The following METTL9 variants were observed in gnomAD, a reference collection of about 807,000 sequenced individuals.
METTL9 encodes protein-L-histidine N-pros-methyltransferase.
A neutral mutation model predicts 36.0 loss-of-function variants in METTL9; 10 were observed. The ratio of observed to expected loss-of-function variants is 0.28; its 90% CI spans 0.17 to 0.47. The LOEUF is 0.47. METTL9 is among the 20% of genes least tolerant of loss of function. The probability of loss-of-function intolerance (pLI) is 0.99; values close to 1 mark genes in which losing one functional copy is unlikely to be tolerated. For synonymous variants in METTL9, 175 were observed against 149.7 expected (o/e 1.17, Z -1.23); for missense variants, 246 against 383.5 (o/e 0.64, Z 3.00).
intron 4 of METTL9, among the ~76,000 whole-genome samples, chr16:21,628,058 G>A (rs569093898): frequency 5.9e-5 from 9 of 152,280 alleles, no homozygotes; most frequent in African/African-American, 1.9e-4. Flanking sequence ...ATGTAAGTCT[G>A]TATGTACATT....
chr16:21,650,451 T>C (rs2141623819), intron 4 of METTL9, among the ~76,000 whole-genome samples: 1 of 143,088 alleles, frequency 7.0e-6, no homozygotes, highest in South Asian at 2.1e-4. Flanking sequence ...GAGGTTGCAG[T>C]GAGCTGAGAT....
intron 2 of METTL9, among the ~76,000 whole-genome samples, chr16:21,617,044 T>G (rs1394966363): frequency 6.6e-6 from 1 of 152,194 alleles, no homozygotes; most frequent in Non-Finnish European, 1.5e-5. Flanking sequence ...GGGGCATTAT[T>G]TGCAACTCCA....
At chr16:21,626,653 A>AGT (rs1213336997) in intron 4 of METTL9, 1 of 152,028 alleles carries the variant, frequency 6.6e-6, no homozygotes, top group African/African-American at 2.4e-5. Flanking sequence ...TTTAAATGTG[A>AGT]GTGTATATAT....
chr16:21,629,994 T>G (rs2141594545), intron 4 of METTL9, among the ~76,000 whole-genome samples: 1 of 152,296 alleles, frequency 6.6e-6, no homozygotes, highest in African/African-American at 2.4e-5. Context: ...CACAGAACGC[T>G]GACTGGTGCG....
rs1966731863 is a variant in METTL9, at chr16:21,657,303, T to C, written c.*1871T>C. ...TAAAAGTGCTGTTTTGTGGTGAAAA[T>C]TGAAACCAAATCCACTCACATTTCC... On this transcript the variant is annotated 3_prime_UTR_variant, in exon 5 of 5. Transcript: ENST00000358154. 6.6e-6 allele frequency: 1 copy of C among 152,102 alleles called. No homozygotes were observed. The highest frequency in any genetic ancestry group is 1.5e-5 in the Non-Finnish European group (1 of 68,016). 9.4% of individuals were successfully genotyped at this position (152,102 alleles called of 1,614,324 possible).
At chr16:21,652,820 A>G (rs1966612871) in intron 4 of METTL9, 2 of 463,242 alleles carry the variant, frequency 4.3e-6, no homozygotes, top group South Asian at 4.3e-5. Context: ...TGGATTTTAC[A>G]GTTGTCATAG....
chr16:21,599,598 C>A lies in METTL9; in HGVS notation c.-136C>A. 7.6e-7 allele frequency: 1 copy of A among 1,316,486 alleles called. No individual in the cohort carries two copies. The highest frequency in any genetic ancestry group is 9.6e-7 in the Non-Finnish European group (1 of 1,039,808). 81.6% of individuals were successfully genotyped at this position (1,316,486 alleles called of 1,614,324 possible). On this transcript the variant is annotated 5_prime_UTR_variant, in exon 1 of 5. Transcript: ENST00000358154. This position sits in a 1 kb window ranked among gnomAD's most constrained non-coding sequence, Gnocchi z 4.4. The stretch of plus-strand genomic sequence containing the variant: ...GCTCCTCCCCACCCCCAGCCTTTGC[C>A]CTGAAGGGGGCTGGATGGGCAAGGC...
At chr16:21,607,064 A>T (rs924441674) in intron 1 of METTL9, among the ~76,000 whole-genome samples, 1 of 151,964 alleles carries the variant, frequency 6.6e-6, no homozygotes, top group African/African-American at 2.4e-5. Context: ...GGAGGAGTTC[A>T]TGGGCTTAAT....
At chr16:21,619,951 A>G (rs1965654776) in intron 3 of METTL9, among the ~76,000 whole-genome samples, 1 of 152,180 alleles carries the variant, frequency 6.6e-6, no homozygotes, top group Non-Finnish European at 1.5e-5. Context: ...CTAGAGATAG[A>G]GCATCAGTGT....
chr16:21,648,239 T>C (rs1966480213), intron 4 of METTL9, among the ~76,000 whole-genome samples: 1 of 152,162 alleles, frequency 6.6e-6, no homozygotes, highest in African/African-American at 2.4e-5. Flanking sequence ...ATTAACAATA[T>C]TGTGATAAAG....
At chr16:21,604,556 T>C (rs979773606) in intron 1 of METTL9, among the ~76,000 whole-genome samples, 9 of 152,176 alleles carry the variant, frequency 5.9e-5, no homozygotes, top group African/African-American at 2.2e-4. Flanking sequence ...ACTGTACACA[T>C]TGAAATCTCA....
chr16:21,623,332 T>C (rs1965747621), intron 3 of METTL9, among the ~76,000 whole-genome samples: 1 of 152,232 alleles, frequency 6.6e-6, no homozygotes, highest in Non-Finnish European at 1.5e-5. Flanking sequence ...AAAATTCTGC[T>C]ATTCAGAAAT....
intron 2 of METTL9, 52 bp from the exon 3 acceptor site, chr16:21,617,813 G>GCACA: frequency 1.4e-6 from 2 of 1,437,770 alleles, no homozygotes; most frequent in East Asian, 4.5e-5. Flanking sequence ...GTGTATGTGA[G>GCACA]GGGTGCTTAA....
intron 4 of METTL9, among the ~76,000 whole-genome samples, chr16:21,630,199 T>C (rs1017490284): frequency 6.6e-6 from 1 of 152,232 alleles, no homozygotes; most frequent in Admixed American, 6.5e-5. Flanking sequence ...GCACCTAGCC[T>C]GGGCACTCCG....
At chr16:21,648,895 C>G (rs1234126774) in intron 4 of METTL9, among the ~76,000 whole-genome samples, 1 of 152,280 alleles carries the variant, frequency 6.6e-6, no homozygotes, top group East Asian at 1.9e-4. Context: ...CTTAGCGTTT[C>G]TCTTATGGAT....
At position 21,625,027 on chromosome 16, in the gene METTL9, G is replaced by A. The variant is rs752178825; in HGVS notation, c.663G>A (p.Leu221=). Reference sequence around the variant, plus strand: ...ACCGCTGTGATCAGCCCCTGACTTTGTTAAAAGATATCAGAAGTGTCTTGG... The same window carrying A: ...ACCGCTGTGATCAGCCCCTGACTTTATTAAAAGATATCAGAAGTGTCTTGG... ...LLDRCDQPLT[L]LKDIRSVLEP... is the part of the protein sequence containing the mutation. The change falls in exon 4 of 5, where the codon TTG becomes TTA. Residue 221 remains leucine, a synonymous_variant. Transcript: ENST00000358154. 2 of 1,614,188 alleles carry A rather than the reference G, an allele frequency of 1.2e-6. No individual in the cohort carries two copies. The highest frequency in any genetic ancestry group is 1.7e-6 in the Non-Finnish European group (2 of 1,180,032).
upstream of METTL9, among the ~76,000 whole-genome samples, chr16:21,597,614 A>T (rs1964976578): frequency 6.6e-6 from 1 of 152,050 alleles, no homozygotes; most frequent in African/African-American, 2.4e-5. Context: ...ATGTGGTCTC[A>T]CTCTATAGCT....
chr16:21,621,149 A>AGTGT lies in METTL9; in HGVS notation c.566+3098_566+3101dup, dbSNP rs112846012. 4.2e-3 allele frequency among the ~76,000 whole-genome samples: 610 copies of AGTGT among 144,704 alleles called. 3 individuals are homozygous for AGTGT. The highest frequency in any genetic ancestry group is 4.1e-3 in the Admixed American group (59 of 14,488). 94.9% of individuals were successfully genotyped at this position (144,704 alleles called of 152,430 possible). On this transcript the variant is annotated intron_variant, in intron 3 of 4. Coordinates refer to ENST00000358154, the MANE Select transcript of METTL9 (RefSeq NM_016025.5). ...CATATCTGGCTAATTTGAGAGAGAG[A>AGTGT]GTGTGTGTGTGTGTGTGTGTGTGTG...
At position 21,617,904 on chromosome 16, in the gene METTL9, T is replaced by A. The variant is rs1450769369; in HGVS notation, c.396T>A (p.Asp132Glu). 7 of 1,614,046 alleles carry A rather than the reference T, an allele frequency of 4.3e-6. No homozygotes were observed. The highest frequency in any genetic ancestry group is 5.9e-6 in the Non-Finnish European group (7 of 1,179,986). ...GCTCAATGTTTGTGTTTTCACCAGA[T>A]CAGTTTCAGAGACTGCTTAAAATTA... Reference protein sequence around the residue: ...GRGSMFVFSPDQFQRLLKINP... With the variant: ...GRGSMFVFSPEQFQRLLKINP... The change falls in exon 3 of 5, where the codon GAT becomes GAA. Residue 132 changes from aspartate (D) to glutamate (E), a missense_variant. By Grantham distance (45) the Asp-to-Glu change is conservative (BLOSUM62 2). This residue lies in a region of METTL9 where 146 missense variants were observed against 302.1 expected (regional missense o/e 0.48). Transcript: ENST00000358154.
Sources: gnomAD v4.1 joint callset for allele counts (sites outside exome capture counted in the v4.1 genomes callset) on GRCh38, gnomAD v4.1.1 for gene constraint, gnomAD v4.1.1 regional missense constraint, Gnocchi (gnomAD v3.1) non-coding constraint, MANE v1.5 for transcripts, NCBI Gene and HGNC (gene_info 2026-07-23, HGNC 2026-07-21) for gene names.